Variants in SATB2 observed in about 807,000 individuals in gnomAD.
SATB2 encodes the protein SATB homeobox 2, also known as DNA-binding protein SATB2.
In SATB2, 1 loss-of-function variant was observed where a neutral mutation model predicts 73.4. That is an observed-to-expected ratio of 0.01 (90% CI 0.00 to 0.06). SATB2 has a LOEUF of 0.06. SATB2 is among the 10% of genes least tolerant of loss of function. SATB2 has a pLI of 1.00. For missense variants in SATB2, 459 were observed against 945.8 expected, an observed-to-expected ratio of 0.49 and a Z score of 6.75; for synonymous variants, 397 against 367.0, an observed-to-expected ratio of 1.08 and a Z score of -0.93.
At chr2:199,338,917 T>TAAAA (rs564809180) in intron 7 of SATB2, among the ~76,000 whole-genome samples, 4 of 128,058 alleles carry the variant, frequency 3.1e-5, no homozygotes, top group East Asian at 2.2e-4. Flanking sequence ...GACTCTGTCT[T>TAAAA]AAAAAAAAAA....
chr2:199,389,683 A>G (rs1036480083), intron 3 of SATB2, among the ~76,000 whole-genome samples: 1 of 152,200 alleles, frequency 6.6e-6, no homozygotes, highest in South Asian at 2.1e-4. Flanking sequence ...TAACACTGAC[A>G]AACACAAACA....
At chr2:199,309,976 ATTGT>A (rs1385971852) in intron 9 of SATB2, among the ~76,000 whole-genome samples, 89 of 152,276 alleles carry the variant, frequency 5.8e-4, no homozygotes, top group East Asian at 9.6e-4. Context: ...ATCATAAGCC[ATTGT>A]TTGTCTAACT....
At chr2:199,413,127 A>G (rs1690872414) in intron 3 of SATB2, among the ~76,000 whole-genome samples, 1 of 152,334 alleles carries the variant, frequency 6.6e-6, no homozygotes, top group East Asian at 1.9e-4. Context: ...ATTTTTTAAT[A>G]AAATGTATAT....
chr2:199,468,647 A>AT (rs1275537492), upstream of SATB2, among the ~76,000 whole-genome samples: 7 of 152,212 alleles, frequency 4.6e-5, no homozygotes, highest in Admixed American at 4.6e-4. Context: ...AATCAGCTCC[A>AT]TAGCCGAGGG....
intron 7 of SATB2, among the ~76,000 whole-genome samples, chr2:199,340,215 G>A (rs750553775): frequency 4.6e-5 from 7 of 152,098 alleles, no homozygotes; most frequent in Non-Finnish European, 8.8e-5. Flanking sequence ...CAAATGATGT[G>A]GCTTTGATGA....
chr2:199,354,608 A>G (rs1398970095), intron 6 of SATB2, among the ~76,000 whole-genome samples: 1 of 152,172 alleles, frequency 6.6e-6, no homozygotes, highest in Non-Finnish European at 1.5e-5. Flanking sequence ...GACTTTTGGT[A>G]GCTATTCCAA....
At chr2:199,387,354 G>A (rs1017061323) in intron 3 of SATB2, among the ~76,000 whole-genome samples, 11 of 152,306 alleles carry the variant, frequency 7.2e-5, no homozygotes, top group Middle Eastern at 3.4e-3. Context: ...ATCAGGCAGT[G>A]TCTGGACATT....
intron 3 of SATB2, among the ~76,000 whole-genome samples, chr2:199,391,375 GTGAC>G (rs1317977544): frequency 6.8e-6 from 1 of 146,992 alleles, no homozygotes; most frequent in Non-Finnish European, 1.5e-5. Context: ...AGAGGTTGCA[GTGAC>G]CAGAGATTGC....
In SATB2 at chr2:199,398,297, A is replaced by G. The variant is rs149906914; in HGVS notation, c.347-16477T>C. Among the ~76,000 whole-genome samples, 301 of 152,362 alleles carry G rather than the reference A, an allele frequency of 2.0e-3. 4 individuals are homozygous for G. Among genetic ancestry groups the G allele is most frequent in the African/African-American group, 7.0e-3 (293 of 41,590 alleles). ...CACTGGTAACCTTGGAGAAAACAAC[A>G]GAATCTGCAGATGGGCAAAACAGAA... is the stretch of plus-strand genomic sequence containing the variant. On this transcript the variant is annotated intron_variant, in intron 3 of 10. Coordinates refer to ENST00000417098, the MANE Select transcript of SATB2 (RefSeq NM_001172509.2).
chr2:199,324,327 T>C (rs746006825), intron 8 of SATB2, among the ~76,000 whole-genome samples: 2 of 152,146 alleles, frequency 1.3e-5, no homozygotes, highest in African/African-American at 2.4e-5. Flanking sequence ...GAGCCAATTC[T>C]TCCAGAAAAA....
At chr2:199,416,460 T>C (rs753817122) in intron 3 of SATB2, among the ~76,000 whole-genome samples, 3 of 152,154 alleles carry the variant, frequency 2.0e-5, no homozygotes, top group African/African-American at 4.8e-5. Context: ...GGACCACACA[T>C]CTACTAGTTG....
chr2:199,418,409 T>C (rs1449298957), intron 3 of SATB2, among the ~76,000 whole-genome samples: 1 of 152,184 alleles, frequency 6.6e-6, no homozygotes, highest in Non-Finnish European at 1.5e-5. Context: ...TATCCACTTC[T>C]TAGGGGAAAG....
intron 10 of SATB2, among the ~76,000 whole-genome samples, chr2:199,304,046 T>C (rs1687362326): frequency 6.6e-6 from 1 of 152,152 alleles, no homozygotes; most frequent in African/African-American, 2.4e-5. Context: ...GCATGAGCAA[T>C]GTCCTTTCTT....
intron 3 of SATB2, among the ~76,000 whole-genome samples, chr2:199,418,215 G>A (rs969683308): frequency 6.6e-6 from 1 of 152,188 alleles, no homozygotes; most frequent in Non-Finnish European, 1.5e-5. Context: ...AGAGGAAACT[G>A]AGGCAGAGAA....
chr2:199,458,399 G>A, upstream of SATB2: 1 of 354,930 alleles, frequency 2.8e-6, no homozygotes, highest in Non-Finnish European at 5.6e-6. Flanking sequence ...GTCGGAGCGG[G>A]GTGACGAGGA....
chr2:199,285,723 TAAAAA>T (rs1181463813), intron 10 of SATB2, among the ~76,000 whole-genome samples: 1 of 137,528 alleles, frequency 7.3e-6, no homozygotes, highest in East Asian at 2.1e-4. Flanking sequence ...GAGAGGGATT[TAAAAA>T]AAAAAAGAGA....
chr2:199,337,413 T>A (rs1337155436), intron 7 of SATB2, among the ~76,000 whole-genome samples: 1 of 152,208 alleles, frequency 6.6e-6, no homozygotes, highest in Non-Finnish European at 1.5e-5. Context: ...GGATCATAAT[T>A]AACATATCAT....
intron 10 of SATB2, among the ~76,000 whole-genome samples, chr2:199,291,441 T>C (rs1223166151): frequency 3.9e-5 from 6 of 152,234 alleles, no homozygotes; most frequent in African/African-American, 1.4e-4. Context: ...TCATTTATAC[T>C]TGCAGAAATC....
chr2:199,401,323 G>A lies in SATB2; in HGVS notation c.347-19503C>T, dbSNP rs143177857. 4.9e-4 allele frequency among the ~76,000 whole-genome samples: 75 copies of A among 152,046 alleles called. No homozygotes were observed. The East Asian group carries it at 0.011, about 22-fold the overall frequency. ...AGCACTTTGGGAGGCCAAGGCAGGC[G>A]GACTACGAGGTCAGGAATTCAAGAC... On this transcript the variant is annotated intron_variant, in intron 3 of 10. Coordinates refer to ENST00000417098, the MANE Select transcript of SATB2 (RefSeq NM_001172509.2).
Sources: gnomAD v4.1 joint callset for allele counts (sites outside exome capture counted in the v4.1 genomes callset) on GRCh38, gnomAD v4.1.1 for gene constraint, MANE v1.5 for transcripts, NCBI Gene and HGNC (gene_info 2026-07-23, HGNC 2026-07-21) for gene names.